Variants in PAH observed in about 807,000 individuals in gnomAD.
PAH encodes the protein phenylalanine-4-hydroxylase.
PAH carries 64 observed loss-of-function variants against 62.0 expected under a neutral mutation model. The observed-to-expected ratio is 1.03, with a 90% CI of 0.84 to 1.27. The LOEUF is 1.27. PAH is among the 50% of genes most tolerant of loss of function. PAH has a pLI of 0.00. For synonymous variants in PAH, 195 were observed against 196.2 expected (o/e 0.99, Z 0.05); for missense variants, 579 against 542.8 (o/e 1.07, Z -0.66).
chr12:102,884,541 T>TGAAATG (rs1347323610), intron 3 of PAH, among the ~76,000 whole-genome samples: 47 of 152,362 alleles, frequency 3.1e-4, no homozygotes, highest in Middle Eastern at 3.4e-3. Flanking sequence ...CCTGCGTCTC[T>TGAAATG]GGCTTTGCAT....
In PAH at chr12:102,854,751, T is replaced by C; in HGVS notation, c.706+385A>G. ...GGGCTCTTGGCACCATCCCCGAAAA[T>C]AGCACATTTCTTACACAAACACACA... is the stretch of plus-strand genomic sequence containing the variant. On this transcript the variant is annotated intron_variant, in intron 6 of 12. Transcript: ENST00000553106. 2.0e-5 allele frequency: 6 copies of C among 305,278 alleles called. 1 individual carries two copies. The highest frequency in any genetic ancestry group is 1.3e-4 in the South Asian group (4 of 30,602). The allele number at this position is 305,278 out of a possible 1,614,324, so 18.9% of individuals were successfully genotyped here. A position where few individuals can be genotyped will look rare whatever the true frequency, so the allele number is the denominator to read the frequency against.
At chr12:102,887,244 GAAGA>G (rs1877080351) in intron 3 of PAH, among the ~76,000 whole-genome samples, 1 of 151,798 alleles carries the variant, frequency 6.6e-6, no homozygotes, top group Non-Finnish European at 1.5e-5. Context: ...AAGGAACGAG[GAAGA>G]AAGAAGGGAA....
chr12:102,905,374 G>C (rs1460519256), intron 2 of PAH, among the ~76,000 whole-genome samples: 46 of 152,038 alleles, frequency 3.0e-4, no homozygotes, highest in Admixed American at 3.0e-3. Flanking sequence ...ACTAGTCCAA[G>C]GACAGGGTAC....
chr12:102,927,703 C>T (rs377357942), intron 1 of PAH, among the ~76,000 whole-genome samples: 96 of 152,190 alleles, frequency 6.3e-4, no homozygotes, highest in African/African-American at 2.1e-3. Context: ...ACAATTTACA[C>T]AATTAAGCTA....
chr12:102,854,855 T>G, intron 6 of PAH: 1 of 492,280 alleles, frequency 2.0e-6, no homozygotes, highest in Non-Finnish European at 3.7e-6. Flanking sequence ...TGAAGCACCT[T>G]GGGCTTTAAG....
intron 2 of PAH, among the ~76,000 whole-genome samples, chr12:102,895,869 A>AT (rs1555208129): frequency 0.02 from 2,380 of 118,376 alleles, 42 homozygotes; most frequent in Admixed American, 0.045. Context: ...AAAAAAAAAA[A>AT]ATATATATAT....
chr12:102,906,035 G>A (rs1163040618), intron 2 of PAH, among the ~76,000 whole-genome samples: 1 of 151,916 alleles, frequency 6.6e-6, no homozygotes, highest in Non-Finnish European at 1.5e-5. Flanking sequence ...TAAGAAAAAG[G>A]CACATTTGCC....
At position 102,839,066 on chromosome 12, in the gene PAH, G is replaced by A. The variant is rs1042517; in HGVS notation, c.*109C>T. Reference sequence around the variant, plus strand: ...TTTCTCCATCTTGTAAAGGATTTAAGGCTGTTATTTCAAATTAAGGTTTGC... The same window carrying A: ...TTTCTCCATCTTGTAAAGGATTTAAAGCTGTTATTTCAAATTAAGGTTTGC... On this transcript the variant is annotated 3_prime_UTR_variant, in exon 13 of 13. Transcript: ENST00000553106. 1 of 907,568 alleles carries A rather than the reference G, an allele frequency of 1.1e-6. No homozygotes were observed. Among genetic ancestry groups the A allele is most frequent in the Non-Finnish European group, 1.8e-6 (1 of 549,598 alleles). The allele number at this position is 907,568 out of a possible 1,614,324, so 56.2% of individuals were successfully genotyped here.
chr12:102,859,586 C>T (rs1875619430), intron 5 of PAH, among the ~76,000 whole-genome samples: 1 of 152,196 alleles, frequency 6.6e-6, no homozygotes, highest in Admixed American at 6.5e-5. Flanking sequence ...AAAATACTGG[C>T]AAACCGAATC....
chr12:102,857,056 T>C lies in PAH; in HGVS notation c.510-1724A>G, dbSNP rs145088292. The stretch of plus-strand genomic sequence containing the variant: ...AGCTAAAGGAGGAAGTTCGAACCCA[T>C]TGCAAAGAAGCTAAAAACCTTGAAA... On this transcript the variant is annotated intron_variant, in intron 5 of 12. Transcript: ENST00000553106. Among the ~76,000 whole-genome samples, 41 of 152,276 alleles carry C rather than the reference T, an allele frequency of 2.7e-4. No individual in the cohort carries two copies. In the East Asian group the frequency reaches 4.8e-3, roughly 18 times the overall value.
chr12:102,951,059 G>GT (rs1879739563), upstream of PAH, among the ~76,000 whole-genome samples: 1 of 56,480 alleles, frequency 1.8e-5, no homozygotes, highest in Non-Finnish European at 3.5e-5. Context: ...GTTTGTGCGT[G>GT]GGGGGGGAAG....
At chr12:102,914,921 C>T (rs1217130970) in intron 1 of PAH, among the ~76,000 whole-genome samples, 1 of 152,174 alleles carries the variant, frequency 6.6e-6, no homozygotes, top group Middle Eastern at 3.2e-3. Context: ...ACTGCCATCA[C>T]CTGAATCCAT....
intron 1 of PAH, among the ~76,000 whole-genome samples, chr12:102,926,415 G>C (rs904291352): frequency 4.6e-5 from 7 of 151,840 alleles, no homozygotes; most frequent in Admixed American, 2.0e-4. Flanking sequence ...CCAGTTGTTG[G>C]GGGGGCGGGT....
intron 3 of PAH, among the ~76,000 whole-genome samples, chr12:102,891,337 A>G (rs1324813215): frequency 6.6e-6 from 1 of 152,106 alleles, no homozygotes; most frequent in Non-Finnish European, 1.5e-5. Context: ...ATGACCCCCC[A>G]GAACCCACTG....
At chr12:102,839,415 A>G (rs1874492740) in intron 12 of PAH, among the ~76,000 whole-genome samples, 197 bp from the exon 13 acceptor site, 1 of 152,234 alleles carries the variant, frequency 6.6e-6, no homozygotes, top group Non-Finnish European at 1.5e-5. Context: ...CATTAATGTA[A>G]TCAGCATCCC....
chr12:102,941,277 C>T (rs972103010), intron 1 of PAH, among the ~76,000 whole-genome samples: 10 of 152,090 alleles, frequency 6.6e-5, no homozygotes, highest in African/African-American at 2.2e-4. Context: ...CAGCTAATAA[C>T]ACAATAATAG....
At chr12:102,890,206 T>A (rs1450404394) in intron 3 of PAH, among the ~76,000 whole-genome samples, 1 of 152,210 alleles carries the variant, frequency 6.6e-6, no homozygotes, top group Non-Finnish European at 1.5e-5. Flanking sequence ...TTTAGCTTAA[T>A]TGATTTGAGG....
chr12:102,850,082 C>G (rs190245337), intron 8 of PAH, among the ~76,000 whole-genome samples: 1 of 152,324 alleles, frequency 6.6e-6, no homozygotes, highest in Admixed American at 6.5e-5. Context: ...TAAAAGGTTC[C>G]TATTCTTCAA....
At chr12:102,945,396 G>A (rs1275773771) in intron 1 of PAH, among the ~76,000 whole-genome samples, 2 of 152,230 alleles carry the variant, frequency 1.3e-5, no homozygotes, top group African/African-American at 4.8e-5. Flanking sequence ...CATACTGCAA[G>A]TAGGGTATTA....
Sources: gnomAD v4.1 joint callset for allele counts (sites outside exome capture counted in the v4.1 genomes callset) on GRCh38, gnomAD v4.1.1 for gene constraint, MANE v1.5 for transcripts, NCBI Gene and HGNC (gene_info 2026-07-23, HGNC 2026-07-21) for gene names.